The following LPGAT1 variants were observed in gnomAD, a reference collection of about 807,000 sequenced individuals.
LPGAT1 encodes acyl-CoA:lysophosphatidylglycerol acyltransferase 1.
LPGAT1 carries 11 observed loss-of-function variants against 47.5 expected under a neutral mutation model. The ratio of observed to expected loss-of-function variants is 0.23; its 90% CI spans 0.15 to 0.38. The LOEUF is 0.38. Ranked by LOEUF, LPGAT1 falls within the 10% of genes least tolerant of loss-of-function variation. The pLI is 1.00. For missense variants in LPGAT1, 293 were observed against 439.0 expected, an observed-to-expected ratio of 0.67 and a Z score of 2.97; for synonymous variants, 138 against 144.2, an observed-to-expected ratio of 0.96 and a Z score of 0.31.
intron 6 of LPGAT1, among the ~76,000 whole-genome samples, chr1:211,765,645 A>AT (rs1332780936): frequency 6.6e-6 from 1 of 152,196 alleles, no homozygotes; most frequent in East Asian, 1.9e-4. Flanking sequence ...TGGGGAGAGA[A>AT]TTCTTTATTT....
At chr1:211,760,976 G>A (rs1196562903) in intron 6 of LPGAT1, among the ~76,000 whole-genome samples, 1 of 152,146 alleles carries the variant, frequency 6.6e-6, no homozygotes, top group African/African-American at 2.4e-5. Flanking sequence ...AAATTACTGA[G>A]TTTTTACTTT....
intron 6 of LPGAT1, among the ~76,000 whole-genome samples, chr1:211,772,705 T>C (rs1251217450): frequency 1.3e-5 from 2 of 152,196 alleles, no homozygotes; most frequent in African/African-American, 2.4e-5. Context: ...GGAAATAACA[T>C]TGACCATAAT....
intron 7 of LPGAT1, among the ~76,000 whole-genome samples, chr1:211,750,650 G>A (rs1329167439): frequency 1.3e-5 from 2 of 152,184 alleles, no homozygotes; most frequent in East Asian, 3.8e-4. Context: ...TTTATGAAAT[G>A]TATCTTAATA....
chr1:211,747,738 T>G lies in LPGAT1; in HGVS notation c.*2161A>C, dbSNP rs926791738. Reference sequence around the variant, plus strand: ...GTAATTTAGTGGTGCTTGCTGGGCCTCAAACAGAAGCATCATTAAGCTTCT... The same window carrying G: ...GTAATTTAGTGGTGCTTGCTGGGCCGCAAACAGAAGCATCATTAAGCTTCT... On this transcript the variant is annotated 3_prime_UTR_variant, in exon 8 of 8. Coordinates refer to ENST00000366997, the MANE Select transcript of LPGAT1 (RefSeq NM_014873.3). 3.9e-5 allele frequency: 6 copies of G among 152,246 alleles called. No individual in the cohort carries two copies. The highest frequency in any genetic ancestry group is 8.8e-5 in the Non-Finnish European group (6 of 68,034). The allele number at this position is 152,246 out of a possible 1,614,324, so 9.4% of individuals were successfully genotyped here. A position where few individuals can be genotyped will look rare whatever the true frequency, so the allele number is the denominator to read the frequency against.
At chr1:211,815,821 C>G (rs562731741) in intron 2 of LPGAT1, among the ~76,000 whole-genome samples, 2 of 148,368 alleles carry the variant, frequency 1.3e-5, no homozygotes, top group Non-Finnish European at 3.0e-5. Context: ...CTCTGTCACC[C>G]AGGCTGGAGT....
At chr1:211,829,397 C>T (rs574247185) in intron 1 of LPGAT1, 74 bp from the exon 2 acceptor site, 3 of 1,558,966 alleles carry the variant, frequency 1.9e-6, no homozygotes, top group East Asian at 4.5e-5. Context: ...ACATAGAAAT[C>T]GCCCCCAGCA....
At chr1:211,775,178 G>A (rs1471665143) in intron 6 of LPGAT1, among the ~76,000 whole-genome samples, 2 of 152,118 alleles carry the variant, frequency 1.3e-5, no homozygotes, top group East Asian at 1.9e-4. Flanking sequence ...CTAGCCAGGC[G>A]TGGTGGCAGG....
chr1:211,820,289 G>C (rs1161803398), intron 2 of LPGAT1, among the ~76,000 whole-genome samples: 1 of 152,066 alleles, frequency 6.6e-6, no homozygotes, highest in Admixed American at 6.6e-5. Context: ...AGGAAAAAAA[G>C]GTAACTGGCA....
chr1:211,754,792 G>T (rs1182456269), intron 6 of LPGAT1, among the ~76,000 whole-genome samples: 4 of 152,158 alleles, frequency 2.6e-5, no homozygotes, highest in Admixed American at 6.5e-5. Context: ...GAGGTGGATG[G>T]ATCACAAAGT....
chr1:211,762,260 A>T (rs1185829631), intron 6 of LPGAT1, among the ~76,000 whole-genome samples: 1 of 152,250 alleles, frequency 6.6e-6, no homozygotes, highest in Admixed American at 6.5e-5. Context: ...ATAAGGCTGA[A>T]TTAAACCGAG....
At chr1:211,826,345 A>C (rs1254164962) in intron 2 of LPGAT1, among the ~76,000 whole-genome samples, 3 of 152,216 alleles carry the variant, frequency 2.0e-5, no homozygotes. Context: ...AATAAAATTT[A>C]GTTTTCCTAA....
chr1:211,769,861 T>TG (rs1351372244), intron 6 of LPGAT1, among the ~76,000 whole-genome samples: 1 of 152,168 alleles, frequency 6.6e-6, no homozygotes, highest in Non-Finnish European at 1.5e-5. Context: ...ACCTGTATCT[T>TG]GTGCCATAAC....
rs183555880 is a variant in LPGAT1 at position 211,778,391 on chromosome 1, C to T, written c.854+527G>A. On this transcript the variant is annotated intron_variant, in intron 6 of 7. Transcript: ENST00000366997. ...AAAAAAAAAGGAAGGCATGAATAAT[C>T]CACCCATTATTTAGCATATCATCAA... 3.1e-3 allele frequency among the ~76,000 whole-genome samples: 472 copies of T among 150,886 alleles called. 4 individuals are homozygous for T. Among genetic ancestry groups the T allele is most frequent in the African/African-American group, 0.011 (452 of 41,166 alleles).
intron 6 of LPGAT1, among the ~76,000 whole-genome samples, chr1:211,760,464 C>T (rs150068705): frequency 6.8e-4 from 104 of 152,148 alleles, no homozygotes; most frequent in African/African-American, 2.4e-3. Context: ...CCCCCAACCC[C>T]CCTCAAAAAA....
At chr1:211,802,189 C>T (rs1256169678) in intron 2 of LPGAT1, among the ~76,000 whole-genome samples, 2 of 151,618 alleles carry the variant, frequency 1.3e-5, no homozygotes, top group South Asian at 2.1e-4. Context: ...TATGAAGCCC[C>T]CTGTGCCACA....
intron 2 of LPGAT1, among the ~76,000 whole-genome samples, chr1:211,823,467 A>G (rs1450193029): frequency 2.0e-5 from 3 of 152,132 alleles, no homozygotes; most frequent in Non-Finnish European, 4.4e-5. Flanking sequence ...CTGATGCTAG[A>G]TCAGGAGCCC....
Position 211,829,140 on chromosome 1 carries a change from G to A in LPGAT1, c.157C>T (p.Arg53Trp). Residue 53 changes from arginine to tryptophan, a missense_variant, in exon 2 of 8, where the codon CGG becomes TGG. Arg to Trp is a moderately radical substitution (Grantham distance 101, BLOSUM62 -3). Transcript: ENST00000366997. ...LQPLRVLDSK[R>W]FWYIEGIMYK... ...ATGATTCCTTCGATATACCAGAACC[G>A]CTTACTGTCCAGCACTCGAAGGGGC... 6.2e-7 allele frequency: 1 copy of A among 1,614,028 alleles called. No individual in the cohort carries two copies. The highest frequency in any genetic ancestry group is 8.5e-7 in the Non-Finnish European group (1 of 1,179,992).
chr1:211,775,418 A>C (rs1658354081), intron 6 of LPGAT1, among the ~76,000 whole-genome samples: 1 of 152,232 alleles, frequency 6.6e-6, no homozygotes, highest in Non-Finnish European at 1.5e-5. Flanking sequence ...ATGCTATTGC[A>C]TAACAATGTA....
At chr1:211,797,311 CTTTTTTTTTTTTTTTT>C (rs200601647) in intron 2 of LPGAT1, among the ~76,000 whole-genome samples, 1 of 122,644 alleles carries the variant, frequency 8.2e-6, no homozygotes, top group Non-Finnish European at 1.7e-5. Flanking sequence ...CTTTCCTTTT[CTTTTTTTTTTTTTTTT>C]TTTGAGTCAG....
Sources: gnomAD v4.1 joint callset for allele counts (sites outside exome capture counted in the v4.1 genomes callset) on GRCh38, gnomAD v4.1.1 for gene constraint, MANE v1.5 for transcripts, NCBI Gene and HGNC (gene_info 2026-07-23, HGNC 2026-07-21) for gene names.